CEP128: variants seen among roughly 807,000 people sequenced by gnomAD.
CEP128 encodes the protein centrosomal protein 128kDa.
CEP128 carries 132 observed loss-of-function variants against 156.7 expected under a neutral mutation model. The ratio of observed to expected loss-of-function variants is 0.84; its 90% confidence interval spans 0.73 to 0.97. CEP128 has a LOEUF of 0.97. Ranked by LOEUF, CEP128 falls within the 50% of genes least tolerant of loss-of-function variation. The pLI is 0.00. For missense variants in CEP128, 1,252 were observed against 1,281.9 expected (o/e 0.98, Z 0.36); for synonymous variants, 469 against 448.9 (o/e 1.04, Z -0.57).
chr14:80,955,094 G>A (rs766858649), intron 2 of CEP128: 40 of 171,086 alleles, frequency 2.3e-4, no homozygotes, highest in Non-Finnish European at 6.4e-5. Flanking sequence ...CCAGGGCTGC[G>A]TGCCCGCCTC....
At chr14:80,623,510 A>T (rs1227215896) in intron 19 of CEP128, among the ~76,000 whole-genome samples, 1 of 151,838 alleles carries the variant, frequency 6.6e-6, no homozygotes, top group Non-Finnish European at 1.5e-5. Context: ...AAAAATAAAA[A>T]AAAATTTAAA....
chr14:80,489,673 GT>G (rs1887257119), downstream of CEP128, among the ~76,000 whole-genome samples: 1 of 150,330 alleles, frequency 6.7e-6, no homozygotes. Flanking sequence ...CTCTTCGAAT[GT>G]GACTGAGGAG....
At chr14:80,619,114 C>T (rs1475015558) in intron 19 of CEP128, among the ~76,000 whole-genome samples, 1 of 152,042 alleles carries the variant, frequency 6.6e-6, no homozygotes, top group Non-Finnish European at 1.5e-5. Flanking sequence ...GAAAAATTGG[C>T]CTTGGGTTGG....
Position 80,744,154 on chromosome 14 carries a change from C to T in CEP128, c.2614-887G>A, listed in dbSNP as rs1243480885. Among the ~76,000 whole-genome samples, 6 of 152,084 alleles carry T rather than the reference C, an allele frequency of 3.9e-5. 1 individual carries two copies. The highest frequency in any genetic ancestry group is 7.3e-5 in the Non-Finnish European group (5 of 68,030). The stretch of plus-strand genomic sequence containing the variant: ...CCTCCCGAAGTACTAGAACTACTGA[C>T]ATGAGTGACCACACCCAGCCCTCAC... On this transcript the variant is annotated intron_variant, in intron 18 of 24. Transcript: ENST00000555265.
intron 20 of CEP128, among the ~76,000 whole-genome samples, chr14:80,559,723 C>T (rs1241687055): frequency 2.6e-5 from 4 of 152,050 alleles, no homozygotes; most frequent in African/African-American, 4.8e-5. Context: ...ATGTGGTCTC[C>T]ACAACAAGCT....
intron 19 of CEP128, among the ~76,000 whole-genome samples, chr14:80,638,031 C>T (rs7148885): frequency 0.29 from 44,635 of 152,046 alleles, 8,520 homozygotes; most frequent in African/African-American, 0.54. Context: ...CCAAAACCTA[C>T]GACAGGATAC....
chr14:80,556,246 T>C (rs1263957065), intron 21 of CEP128, among the ~76,000 whole-genome samples: 1 of 152,170 alleles, frequency 6.6e-6, no homozygotes, highest in African/African-American at 2.4e-5. Flanking sequence ...AAATAGCATA[T>C]AGCACTGACC....
intron 9 of CEP128, among the ~76,000 whole-genome samples, chr14:80,841,824 T>C (rs1886361890): frequency 6.6e-6 from 1 of 151,944 alleles, no homozygotes; most frequent in East Asian, 1.9e-4. Flanking sequence ...TATAGGGTAG[T>C]GGTGAAAACT....
At chr14:80,584,513 C>G (rs1891730940) in intron 19 of CEP128, among the ~76,000 whole-genome samples, 1 of 151,996 alleles carries the variant, frequency 6.6e-6, no homozygotes, top group Non-Finnish European at 1.5e-5. Flanking sequence ...AACTTATATC[C>G]CCAAAATTGC....
intron 14 of CEP128, among the ~76,000 whole-genome samples, chr14:80,791,530 C>A (rs527825709): frequency 2.2e-4 from 34 of 152,270 alleles, no homozygotes; most frequent in African/African-American, 8.2e-4. Flanking sequence ...ATTCTCTCAA[C>A]CACTCCTCTC....
chr14:80,685,623 T>C (rs1266382911), intron 19 of CEP128, among the ~76,000 whole-genome samples: 1 of 152,036 alleles, frequency 6.6e-6, no homozygotes, highest in East Asian at 1.9e-4. Flanking sequence ...AAAACGCATA[T>C]GGAACCAAAG....
chr14:80,901,595 A>G (rs1163751995), intron 6 of CEP128, among the ~76,000 whole-genome samples: 4 of 152,238 alleles, frequency 2.6e-5, no homozygotes, highest in Non-Finnish European at 5.9e-5. Flanking sequence ...GTGAAGTAGT[A>G]TAGTGAATGA....
intron 2 of CEP128, among the ~76,000 whole-genome samples, chr14:80,927,507 G>T (rs930180292): frequency 1.3e-5 from 2 of 152,194 alleles, no homozygotes; most frequent in Non-Finnish European, 2.9e-5. Flanking sequence ...GTTCAGGCTT[G>T]CAAGACAGCT....
chr14:80,520,261 A>G (rs1182402324), intron 23 of CEP128, among the ~76,000 whole-genome samples: 1 of 152,136 alleles, frequency 6.6e-6, no homozygotes, highest in Non-Finnish European at 1.5e-5. Context: ...TCCACTAAAA[A>G]TACAAAAATT....
intron 23 of CEP128, among the ~76,000 whole-genome samples, chr14:80,521,948 G>A (rs1477260317): frequency 1.3e-5 from 2 of 152,132 alleles, no homozygotes; most frequent in Admixed American, 1.3e-4. Flanking sequence ...TTAAAAGATG[G>A]AGAGAAGCAC....
intron 12 of CEP128, 73 bp downstream of exon 12, chr14:80,836,132 A>G (rs1886061610): frequency 1.4e-6 from 2 of 1,397,340 alleles, no homozygotes; most frequent in East Asian, 2.3e-5. Flanking sequence ...CTGAGGATGA[A>G]AAGTATTTTC....
At chr14:80,725,019 G>T (rs550837632) in intron 19 of CEP128, among the ~76,000 whole-genome samples, 6 of 138,848 alleles carry the variant, frequency 4.3e-5, no homozygotes, top group African/African-American at 1.3e-4. Context: ...ATACATATAT[G>T]ATATATATAT....
Position 80,743,284 on chromosome 14 carries a change from A to C in CEP128, c.2614-17T>G, listed in dbSNP as rs746350613. ...AAGTTTAGTCTAAAAAATAACATTT[A>C]TATCTAATGGTTAAAGAAACTCAGA... On this transcript the variant is annotated splice_polypyrimidine_tract_variant and intron_variant, in intron 18 of 24. Coordinates refer to ENST00000555265, the MANE Select transcript of CEP128 (RefSeq NM_152446.5). 6 of 1,548,662 alleles carry C rather than the reference A, an allele frequency of 3.9e-6. No homozygotes were observed. The highest frequency in any genetic ancestry group is 5.3e-6 in the Non-Finnish European group (6 of 1,124,694).
In CEP128 at chr14:80,761,800, T is replaced by C. The variant is rs189966484; in HGVS notation, c.2377-187A>G. The stretch of plus-strand genomic sequence containing the variant: ...ACTGAGGTAAAATTATAGAGTTCCA[T>C]CGTAGGGCAGTTTGGGAACTGGTGA... On this transcript the variant is annotated intron_variant, in intron 16 of 24. Coordinates refer to ENST00000555265, the MANE Select transcript of CEP128 (RefSeq NM_152446.5). 8.3e-3 allele frequency among the ~76,000 whole-genome samples: 1,264 copies of C among 152,174 alleles called. 16 individuals carry two copies. Among genetic ancestry groups the C allele is most frequent in the Non-Finnish European group, 0.01 (688 of 67,956 alleles).
Sources: gnomAD v4.1 joint callset for allele counts (sites outside exome capture counted in the v4.1 genomes callset) on GRCh38, gnomAD v4.1.1 for gene constraint, MANE v1.5 for transcripts, NCBI Gene and HGNC (gene_info 2026-07-23, HGNC 2026-07-21) for gene names.